The following CNTN1 variants were observed in gnomAD, a reference collection of about 807,000 sequenced individuals.
CNTN1 encodes contactin-1.
A neutral mutation model predicts 126.4 loss-of-function variants in CNTN1; 38 were observed. The observed-to-expected ratio is 0.30, with a 90% confidence interval of 0.23 to 0.39. The LOEUF is 0.39. Among genes scored for constraint, CNTN1 ranks in the 10% least tolerant of loss-of-function variants. CNTN1 has a pLI of 1.00. For missense variants in CNTN1, 1,009 were observed against 1,248.4 expected, an observed-to-expected ratio of 0.81 and a Z score of 2.89; for synonymous variants, 413 against 422.6, an observed-to-expected ratio of 0.98 and a Z score of 0.28.
At chr12:40,807,636 A>G (rs1043785929) in intron 1 of CNTN1, among the ~76,000 whole-genome samples, 2 of 152,182 alleles carry the variant, frequency 1.3e-5, no homozygotes, top group African/African-American at 4.8e-5. Context: ...GGACTTCATT[A>G]GATCCTTCTC....
chr12:40,884,412 A>G (rs569626404), intron 1 of CNTN1, among the ~76,000 whole-genome samples: 1 of 151,510 alleles, frequency 6.6e-6, no homozygotes, highest in Non-Finnish European at 1.5e-5. Context: ...TTTTTATCAT[A>G]TTGCTCTATT....
At chr12:40,776,375 A>C (rs1324938105) in intron 1 of CNTN1, among the ~76,000 whole-genome samples, 1 of 151,694 alleles carries the variant, frequency 6.6e-6, no homozygotes, top group African/African-American at 2.4e-5. Flanking sequence ...ATATATCAAT[A>C]AAGTTACTTT....
At position 41,057,195 on chromosome 12, in the gene CNTN1, ATAT is replaced by A. The variant is rs899484909; in HGVS notation, c.2981-12757_2981-12755del. Among the ~76,000 whole-genome samples, 36 of 144,096 alleles carry A rather than the reference ATAT, an allele frequency of 2.5e-4. No individual in the cohort carries two copies. The East Asian group carries it at 6.4e-3, about 25-fold the overall frequency. The allele number at this position is 144,096 out of a possible 152,430, so 94.5% of individuals were successfully genotyped here. ...TTATATTATAAATATTTAGATATTT[ATAT>A]TATTATATTTAGATATTTATAAATA... is the stretch of plus-strand genomic sequence containing the variant. On this transcript the variant is annotated intron_variant, in intron 23 of 23. Transcript: ENST00000551295.
At chr12:40,842,961 A>G (rs75215421) in intron 1 of CNTN1, among the ~76,000 whole-genome samples, 5,068 of 152,270 alleles carry the variant, frequency 0.033, 117 homozygotes, top group Non-Finnish European at 0.055. Context: ...ATGCAATGAT[A>G]TAATACCACA....
At chr12:40,790,210 C>A (rs555037198) in intron 1 of CNTN1, among the ~76,000 whole-genome samples, 110 of 152,198 alleles carry the variant, frequency 7.2e-4, no homozygotes, top group Non-Finnish European at 1.3e-3. Context: ...ACCCAATTGG[C>A]CTTTGAGATT....
At chr12:41,005,484 A>AATATT (rs1427106234) in intron 17 of CNTN1, among the ~76,000 whole-genome samples, 107 of 152,266 alleles carry the variant, frequency 7.0e-4, no homozygotes, top group African/African-American at 2.5e-3. Context: ...CTCACTAGTT[A>AATATT]GGTTGGGGAA....
chr12:40,998,476 CAT>C (rs1948275699), intron 17 of CNTN1, among the ~76,000 whole-genome samples: 1 of 152,082 alleles, frequency 6.6e-6, no homozygotes, highest in Admixed American at 6.5e-5. Flanking sequence ...TCTGATGAGA[CAT>C]AACTATCTGT....
chr12:41,065,086 C>G (rs551085151), intron 23 of CNTN1, among the ~76,000 whole-genome samples: 1 of 152,038 alleles, frequency 6.6e-6, no homozygotes, highest in African/African-American at 2.4e-5. Context: ...GACGGAGTCT[C>G]GCTCTGTCGC....
chr12:41,013,251 T>G (rs1948706842), intron 17 of CNTN1, among the ~76,000 whole-genome samples: 1 of 152,166 alleles, frequency 6.6e-6, no homozygotes, highest in African/African-American at 2.4e-5. Flanking sequence ...ACTGTACATG[T>G]GGCTGAGAAA....
chr12:40,815,828 A>T (rs924863681), intron 1 of CNTN1, among the ~76,000 whole-genome samples: 3 of 152,176 alleles, frequency 2.0e-5, no homozygotes, highest in Non-Finnish European at 4.4e-5. Context: ...TGTTCCATTA[A>T]TACTTAGTTT....
intron 1 of CNTN1, among the ~76,000 whole-genome samples, chr12:40,876,906 T>G (rs1278423453): frequency 6.6e-6 from 1 of 152,190 alleles, no homozygotes; most frequent in Non-Finnish European, 1.5e-5. Flanking sequence ...GTAAGCCTAA[T>G]AATATATTTG....
At chr12:40,877,834 G>A (rs939483171) in intron 1 of CNTN1, among the ~76,000 whole-genome samples, 2 of 151,998 alleles carry the variant, frequency 1.3e-5, no homozygotes, top group African/African-American at 4.8e-5. Flanking sequence ...TTGGGAAATT[G>A]AGAAGTGACC....
At chr12:40,964,276 CAAAAG>C (rs1947215873) in intron 15 of CNTN1, among the ~76,000 whole-genome samples, 1 of 149,112 alleles carries the variant, frequency 6.7e-6, no homozygotes, top group Non-Finnish European at 1.5e-5. Flanking sequence ...TAAAAACAAA[CAAAAG>C]AAAAAGAAAA....
At chr12:40,795,311 ACACACAC>A (rs1940383454) in intron 1 of CNTN1, among the ~76,000 whole-genome samples, 1 of 6,856 alleles carries the variant, frequency 1.5e-4, no homozygotes, top group Non-Finnish European at 5.8e-4. Context: ...ACACACACAC[ACACACAC>A]ATTTTTTTTT....
intron 23 of CNTN1, among the ~76,000 whole-genome samples, chr12:41,046,289 T>G (rs1225120735): frequency 2.0e-5 from 3 of 152,104 alleles, no homozygotes; most frequent in Non-Finnish European, 2.9e-5. Flanking sequence ...TGGTAAAAAA[T>G]TACATTATAA....
chr12:40,749,920 C>T (rs1339589306), intron 1 of CNTN1, among the ~76,000 whole-genome samples: 1 of 152,000 alleles, frequency 6.6e-6, no homozygotes, highest in East Asian at 1.9e-4. Flanking sequence ...TTAGGAAGTT[C>T]TGACTCTCAA....
intron 17 of CNTN1, among the ~76,000 whole-genome samples, chr12:41,008,016 GT>G (rs1566132213): frequency 6.6e-6 from 1 of 152,064 alleles, no homozygotes; most frequent in Non-Finnish European, 1.5e-5. Flanking sequence ...CTTCTATATC[GT>G]TCCCCCCTCT....
At chr12:40,777,267 A>G (rs1939626950) in intron 1 of CNTN1, among the ~76,000 whole-genome samples, 2 of 151,292 alleles carry the variant, frequency 1.3e-5, no homozygotes, top group South Asian at 4.2e-4. Flanking sequence ...TCTATATCCA[A>G]TCAGTTACCA....
chr12:40,871,130 A>T (rs1331873688), intron 1 of CNTN1, among the ~76,000 whole-genome samples: 2 of 144,312 alleles, frequency 1.4e-5, no homozygotes, highest in South Asian at 2.3e-4. Context: ...CTTTGTTGGG[A>T]GTCAGTTATG....
Sources: allele counts gnomAD v4.1 joint callset (sites outside exome capture counted in the v4.1 genomes callset), GRCh38; gene constraint gnomAD v4.1.1; transcripts MANE v1.5; gene names NCBI Gene and HGNC (gene_info 2026-07-23, HGNC 2026-07-21).